The following ZBTB11 variants were observed in gnomAD, a reference collection of about 807,000 sequenced individuals.
The protein encoded by ZBTB11 is zinc finger and BTB domain-containing protein 11.
In ZBTB11, 68 loss-of-function variants were observed where a neutral mutation model predicts 113.1. The observed-to-expected ratio is 0.60, with a 90% CI of 0.49 to 0.74. ZBTB11 has a LOEUF of 0.74. ZBTB11 is among the 30% of genes least tolerant of loss of function. The pLI is 0.00. For synonymous variants in ZBTB11, 518 were observed against 452.6 expected, an observed-to-expected ratio of 1.14 and a Z score of -1.83; for missense variants, 1,104 against 1,279.4, an observed-to-expected ratio of 0.86 and a Z score of 2.09.
intron 5 of ZBTB11, among the ~76,000 whole-genome samples, chr3:101,662,462 T>A (rs1035359485): frequency 2.0e-4 from 31 of 152,074 alleles, no homozygotes; most frequent in Admixed American, 1.0e-3. Flanking sequence ...CCATCTCTAC[T>A]AAAAATACAA....
intron 3 of ZBTB11, 58 bp downstream of exon 3, chr3:101,671,072 T>A: frequency 1.4e-6 from 2 of 1,409,906 alleles, no homozygotes; most frequent in Non-Finnish European, 9.9e-7. Flanking sequence ...GACATACATA[T>A]CCCCCTCTTC....
rs2108312874 is a variant in ZBTB11, at chr3:101,649,592, C to A, written c.*1574G>T. ...TTTTAGTCAGGTTGAAATGTTTTTC[C>A]ACTAACTGAAAGATAAGATAAATGA... is the stretch of plus-strand genomic sequence containing the variant. On this transcript the variant is annotated 3_prime_UTR_variant, in exon 11 of 11. Transcript: ENST00000312938. The A allele has an allele frequency of 6.6e-6, 1 of 152,316 alleles. No homozygotes were observed. Among genetic ancestry groups the A allele is most frequent in the East Asian group, 1.9e-4 (1 of 5,198 alleles). The allele number at this position is 152,316 out of a possible 1,614,324, so 9.4% of individuals were successfully genotyped here.
At position 101,650,656 on chromosome 3, in the gene ZBTB11, T is replaced by G. The variant is rs1936685976; in HGVS notation, c.*510A>C. On this transcript the variant is annotated 3_prime_UTR_variant, in exon 11 of 11. Transcript: ENST00000312938. Reference sequence around the variant, plus strand: ...TCAAGAATCACAGATCTAAAGCATTTAAAAAACGTAATATACCTATGCATC... The same window carrying G: ...TCAAGAATCACAGATCTAAAGCATTGAAAAAACGTAATATACCTATGCATC... 1 of 152,680 alleles carries G rather than the reference T, an allele frequency of 6.5e-6. No homozygotes were observed. Among genetic ancestry groups the G allele is most frequent in the Non-Finnish European group, 1.5e-5 (1 of 68,088 alleles). The allele number at this position is 152,680 out of a possible 1,614,324, so 9.5% of individuals were successfully genotyped here. A position where few individuals can be genotyped will look rare whatever the true frequency, so the allele number is the denominator to read the frequency against.
intron 3 of ZBTB11, among the ~76,000 whole-genome samples, chr3:101,668,263 T>C (rs1314014299): frequency 2.0e-5 from 3 of 151,974 alleles, no homozygotes; most frequent in East Asian, 3.9e-4. Context: ...TACAGCTAGA[T>C]AGATAGAAGG....
intron 6 of ZBTB11, 120 bp downstream of exon 6, chr3:101,659,659 CATAA>C: frequency 1.6e-6 from 2 of 1,248,140 alleles, no homozygotes; most frequent in Non-Finnish European, 1.1e-6. Flanking sequence ...ATAAAGAAGT[CATAA>C]ATTTACCTGA....
Position 101,665,586 on chromosome 3 carries a change from C to T in ZBTB11, c.1001G>A (p.Arg334Gln), listed in dbSNP as rs201435600. ...AGGTGCTGTACCTCCATTCTGTACT[C>T]GTAAGTCCTGGGTGGATGCAACTGT... ...VQTVASTQDLRVQNGGTAPPV... is the reference protein window; with the variant it reads ...VQTVASTQDLQVQNGGTAPPV... The change falls in exon 4 of 11, where the codon CGA (arginine) becomes CAA (glutamine). Residue 334 changes from arginine to glutamine, a missense_variant. By Grantham distance (43) the Arg-to-Gln change is conservative. This residue lies in a region of ZBTB11 where 535 missense variants were observed against 518.6 expected (regional missense o/e 1.03). Coordinates refer to ENST00000312938, the MANE Select transcript of ZBTB11 (RefSeq NM_014415.4). 3.7e-5 allele frequency: 60 copies of T among 1,614,094 alleles called. No individual in the cohort carries two copies. The highest frequency in any genetic ancestry group is 3.6e-5 in the Non-Finnish European group (42 of 1,180,034).
chr3:101,669,069 G>C (rs956072081), intron 3 of ZBTB11, among the ~76,000 whole-genome samples: 1 of 152,070 alleles, frequency 6.6e-6, no homozygotes, highest in Non-Finnish European at 1.5e-5. Flanking sequence ...GTCTTGCTCT[G>C]TTGCCCAGGC....
chr3:101,650,205 C>CAA lies in ZBTB11; in HGVS notation c.*960_*961insTT, dbSNP rs1364556333. ...GTATCCACAGAGCTGCTGTGAATGT[C>CAA]TATATTGCTATCTGATTTCTCAACT... On this transcript the variant is annotated 3_prime_UTR_variant, in exon 11 of 11. Transcript: ENST00000312938. 2.0e-5 allele frequency: 3 copies of CAA among 152,132 alleles called. No individual in the cohort carries two copies. Among genetic ancestry groups the CAA allele is most frequent in the Non-Finnish European group, 4.4e-5 (3 of 68,000 alleles). 9.4% of individuals were successfully genotyped at this position (152,132 alleles called of 1,614,324 possible).
At position 101,651,047 on chromosome 3, in the gene ZBTB11, A is replaced by G. The variant is rs545382228; in HGVS notation, c.*119T>C. ...AAATGTTTGGAAACGTTACGTTACC[A>G]AACAGCCCAGAACTTTGATATGTAA... On this transcript the variant is annotated 3_prime_UTR_variant, in exon 11 of 11. Coordinates refer to ENST00000312938, the MANE Select transcript of ZBTB11 (RefSeq NM_014415.4). 2.7e-4 allele frequency: 337 copies of G among 1,244,766 alleles called. 2 individuals are homozygous for G. The highest frequency in any genetic ancestry group is 8.6e-4 in the Middle Eastern group (3 of 3,488). 77.1% of individuals were successfully genotyped at this position (1,244,766 alleles called of 1,614,324 possible). A position where few individuals can be genotyped will look rare whatever the true frequency, so the allele number is the denominator to read the frequency against.
intron 8 of ZBTB11, among the ~76,000 whole-genome samples, chr3:101,653,251 TGA>T (rs1936737348): frequency 6.6e-6 from 1 of 152,212 alleles, no homozygotes; most frequent in Admixed American, 6.5e-5. Context: ...GTCCATGTGT[TGA>T]GGGTAGACTT....
At chr3:101,670,996 C>T in intron 3 of ZBTB11, 134 bp downstream of exon 3, 1 of 692,330 alleles carries the variant, frequency 1.4e-6, no homozygotes, top group Non-Finnish European at 2.4e-6. Flanking sequence ...AGAACCTTTT[C>T]AGTACAGCTT....
intron 8 of ZBTB11, among the ~76,000 whole-genome samples, chr3:101,653,566 A>C (rs1217258446): frequency 6.6e-6 from 1 of 152,234 alleles, no homozygotes; most frequent in Non-Finnish European, 1.5e-5. Flanking sequence ...ATTTAATTCA[A>C]GCCTGTTTGG....
At chr3:101,654,613 T>A in intron 8 of ZBTB11, 91 bp downstream of exon 8, 1 of 1,060,060 alleles carries the variant, frequency 9.4e-7, no homozygotes, top group South Asian at 1.5e-5. Context: ...TAAACTGAAG[T>A]TACAGTTTAA....
At chr3:101,657,934 T>C (rs185915599) in intron 6 of ZBTB11, among the ~76,000 whole-genome samples, 1 of 152,190 alleles carries the variant, frequency 6.6e-6, no homozygotes, top group East Asian at 1.9e-4. Context: ...AACCAGGAGT[T>C]CGAGTTTACT....
chr3:101,665,095 G>C lies in ZBTB11; in HGVS notation c.1492C>G (p.Pro498Ala), dbSNP rs370264120. Reference protein sequence around the residue: ...VASTAKTDFGPDDDTYRSRLR... With the variant: ...VASTAKTDFGADDDTYRSRLR... The stretch of plus-strand genomic sequence containing the variant: ...CTGCTTCTATAAGTATCATCATCAG[G>C]GCCAAAGTCTGTCTTTGCTGTTGAT... Residue 498 changes from proline to alanine, a missense_variant, in exon 4 of 11, where the codon CCT becomes GCT. Transcript: ENST00000312938. 2 of 1,613,866 alleles carry C rather than the reference G, an allele frequency of 1.2e-6. No homozygotes were observed. Among genetic ancestry groups the C allele is most frequent in the East Asian group, 4.5e-5 (2 of 44,870 alleles).
intron 6 of ZBTB11, among the ~76,000 whole-genome samples, chr3:101,659,536 C>CTA (rs924604663): frequency 1.3e-5 from 2 of 152,110 alleles, no homozygotes; most frequent in African/African-American, 4.8e-5. Flanking sequence ...ATTTTTCACC[C>CTA]TATACATCCT....
At position 101,671,967 on chromosome 3, in the gene ZBTB11, G is replaced by C. The variant is rs374771199; in HGVS notation, c.546+11C>G. 4.9e-5 allele frequency: 79 copies of C among 1,600,832 alleles called. No homozygotes were observed. The Middle Eastern group carries it at 5.0e-4, about 10-fold the overall frequency. On this transcript the variant is annotated intron_variant, in intron 2 of 10. Transcript: ENST00000312938. ...TACAAATCTTAAAGCTGACTGGAGA[G>C]TACCACTTACAAACACAAGTTCATG...
chr3:101,667,106 C>G (rs570446887), intron 3 of ZBTB11, among the ~76,000 whole-genome samples: 1 of 152,096 alleles, frequency 6.6e-6, no homozygotes, highest in Admixed American at 6.6e-5. Flanking sequence ...CAGGCTGAAG[C>G]GCAGTGGATT....
rs1936983706 is a variant in ZBTB11 at position 101,665,598 on chromosome 3, G to A, written c.989C>T (p.Thr330Ile). The A allele has an allele frequency of 6.2e-7, 1 of 1,614,090 alleles. No homozygotes were observed. Among genetic ancestry groups the A allele is most frequent in the Admixed American group, 1.7e-5 (1 of 60,012 alleles). Reference sequence around the variant, plus strand: ...TCCATTCTGTACTCGTAAGTCCTGGGTGGATGCAACTGTTTGTACTTCGCC... The same window carrying A: ...TCCATTCTGTACTCGTAAGTCCTGGATGGATGCAACTGTTTGTACTTCGCC... ...KKGEVQTVAS[T>I]QDLRVQNGGT... The change falls in exon 4 of 11, where the codon ACC (threonine) becomes ATC (isoleucine). Residue 330 changes from threonine to isoleucine, a missense_variant. Physicochemically the swap from Thr to Ile is moderately conservative, Grantham distance 89 (BLOSUM62 -1). Coordinates refer to ENST00000312938, the MANE Select transcript of ZBTB11 (RefSeq NM_014415.4).
Sources: allele counts gnomAD v4.1 joint callset (sites outside exome capture counted in the v4.1 genomes callset), GRCh38; gene constraint gnomAD v4.1.1; regional missense constraint gnomAD v4.1.1; transcripts MANE v1.5; gene names NCBI Gene and HGNC (gene_info 2026-07-23, HGNC 2026-07-21).